SOS2: variants seen among roughly 807,000 people sequenced by gnomAD.
SOS2 encodes SOS Ras/Rho guanine nucleotide exchange factor 2, also known as son of sevenless homolog 2.
Under a neutral mutation model 148.2 loss-of-function variants are expected in SOS2, and 65 were observed. That is an observed-to-expected ratio of 0.44 (90% confidence interval 0.36 to 0.54). The LOEUF (loss-of-function observed/expected upper bound fraction) is 0.54. SOS2 is among the 20% of genes least tolerant of loss of function. SOS2 has a pLI of 0.00. For synonymous variants in SOS2, 539 were observed against 537.1 expected (o/e 1.00, Z -0.05); for missense variants, 1,341 against 1,590.2 (o/e 0.84, Z 2.67).
At chr14:50,231,126 ACGACCT>A in intron 1 of SOS2, 65 bp downstream of exon 1, 1 of 941,050 alleles carries the variant, frequency 1.1e-6, no homozygotes, top group Non-Finnish European at 1.4e-6. Context: ...TGTGGGAGGG[ACGACCT>A]GCTCCCCGTT....
At chr14:50,125,490 C>T (rs968365363) in intron 21 of SOS2, among the ~76,000 whole-genome samples, 1 of 151,848 alleles carries the variant, frequency 6.6e-6, no homozygotes, top group Non-Finnish European at 1.5e-5. Context: ...CACAGAACAA[C>T]AAGAAAAATA....
upstream of SOS2, chr14:50,231,675 GAGC>G (rs1010145914): frequency 5.5e-5 from 9 of 163,186 alleles, no homozygotes; most frequent in South Asian, 4.9e-4. Context: ...GGCGGGCGGT[GAGC>G]AGCGGCGGCG....
intron 1 of SOS2, among the ~76,000 whole-genome samples, chr14:50,214,053 A>G (rs1886969285): frequency 6.6e-6 from 1 of 152,184 alleles, no homozygotes; most frequent in Middle Eastern, 3.2e-3. Context: ...AAAAGTTAAA[A>G]TGGTTTTCTC....
chr14:50,167,375 A>T (rs959757999), intron 8 of SOS2, among the ~76,000 whole-genome samples: 1 of 151,796 alleles, frequency 6.6e-6, no homozygotes, highest in Non-Finnish European at 1.5e-5. Context: ...CAAAAAATAA[A>T]AAAACAAAAA....
At chr14:50,224,699 C>T (rs1313749023) in intron 1 of SOS2, among the ~76,000 whole-genome samples, 1 of 140,176 alleles carries the variant, frequency 7.1e-6, no homozygotes, top group Non-Finnish European at 1.5e-5. Flanking sequence ...AGCCAGAGGA[C>T]ATAGCAAGAC....
At chr14:50,196,136 T>C (rs560855051) in intron 4 of SOS2, among the ~76,000 whole-genome samples, 1 of 152,328 alleles carries the variant, frequency 6.6e-6, no homozygotes, top group South Asian at 2.1e-4. Flanking sequence ...TAGAATGTGG[T>C]TACCAGAGGC....
chr14:50,188,447 G>C (rs1885998803), intron 5 of SOS2, 50 bp downstream of exon 5: 1 of 1,182,372 alleles, frequency 8.5e-7, no homozygotes, highest in South Asian at 1.3e-5. Context: ...ATTTTAAGCT[G>C]GTCTGGTTTT....
At position 50,180,671 on chromosome 14, in the gene SOS2, A is replaced by G; in HGVS notation, c.870T>C (p.Phe290=). 6.4e-7 allele frequency: 1 copy of G among 1,572,850 alleles called. No homozygotes were observed. Among genetic ancestry groups the G allele is most frequent in the Non-Finnish European group, 8.7e-7 (1 of 1,155,330 alleles). The change falls in exon 7 of 23, where the codon TTT becomes TTC. Residue 290 remains phenylalanine, a synonymous_variant. Coordinates refer to ENST00000216373, the MANE Select transcript of SOS2 (RefSeq NM_006939.4). ...CFEDLAEEQA[F]DPYETLSQDI... Reference sequence around the variant, plus strand: ...CCTGTGATAATGTTTCATAAGGATCAAATGCTTGCTCCTATTTTTTTAAAA... The same window carrying G: ...CCTGTGATAATGTTTCATAAGGATCGAATGCTTGCTCCTATTTTTTTAAAA...
At chr14:50,203,657 C>T (rs539445255) in intron 2 of SOS2, among the ~76,000 whole-genome samples, 62 of 152,000 alleles carry the variant, frequency 4.1e-4, no homozygotes, top group African/African-American at 1.4e-3. Flanking sequence ...CAAATGTCCT[C>T]AAAATTTACA....
rs1203028142 is a variant in SOS2 at position 50,117,949 on chromosome 14, T to G, written c.*395A>C. 5.9e-6 allele frequency: 1 copy of G among 168,222 alleles called. No homozygotes were observed. Among genetic ancestry groups the G allele is most frequent in the Non-Finnish European group, 1.3e-5 (1 of 77,840 alleles). The allele number at this position is 168,222 out of a possible 1,614,324, so 10.4% of individuals were successfully genotyped here. On this transcript the variant is annotated 3_prime_UTR_variant, in exon 23 of 23. Coordinates refer to ENST00000216373, the MANE Select transcript of SOS2 (RefSeq NM_006939.4). ...AGGTTTAAAAATCAGTAACACCATA[T>G]ACCCCTCCCATATTTGTGTAAATTC...
intron 21 of SOS2, among the ~76,000 whole-genome samples, chr14:50,126,724 G>A (rs953190437): frequency 1.3e-5 from 2 of 151,638 alleles, no homozygotes; most frequent in Non-Finnish European, 2.9e-5. Flanking sequence ...ATGGACAAGA[G>A]GTGATAAAAG....
At chr14:50,226,014 G>A (rs117590936) in intron 1 of SOS2, among the ~76,000 whole-genome samples, 770 of 140,460 alleles carry the variant, frequency 5.5e-3, no homozygotes, top group Non-Finnish European at 8.6e-3. Context: ...CTTCCCCCCC[G>A]CCCTTTTTTT....
intron 5 of SOS2, among the ~76,000 whole-genome samples, chr14:50,182,877 A>T (rs1323698392): frequency 6.6e-6 from 1 of 152,178 alleles, no homozygotes; most frequent in East Asian, 1.9e-4. Context: ...CACCAAATAC[A>T]TCATTTAATT....
chr14:50,161,100 C>T (rs1884991518), intron 9 of SOS2, among the ~76,000 whole-genome samples: 1 of 151,954 alleles, frequency 6.6e-6, no homozygotes, highest in African/African-American at 2.4e-5. Context: ...TGAGACCAGT[C>T]TGGCCGACGC....
At chr14:50,205,938 T>C (rs1886646680) in intron 1 of SOS2, among the ~76,000 whole-genome samples, 1 of 150,964 alleles carries the variant, frequency 6.6e-6, no homozygotes, top group Non-Finnish European at 1.5e-5. Context: ...CATAAAATTG[T>C]GCATTATAGC....
intron 1 of SOS2, among the ~76,000 whole-genome samples, chr14:50,204,643 T>C (rs1210857010): frequency 2.6e-5 from 4 of 152,304 alleles, no homozygotes; most frequent in South Asian, 4.1e-4. Context: ...CATTGAACCC[T>C]CTCTTCCCTA....
At chr14:50,190,925 A>G (rs1886111829) in intron 4 of SOS2, among the ~76,000 whole-genome samples, 1 of 152,216 alleles carries the variant, frequency 6.6e-6, no homozygotes, top group African/African-American at 2.4e-5. Flanking sequence ...AAATAAAGGA[A>G]GACATAAGAC....
At chr14:50,178,709 T>TATAC in intron 7 of SOS2, among the ~76,000 whole-genome samples, 1 of 69,910 alleles carries the variant, frequency 1.4e-5, no homozygotes, top group South Asian at 4.1e-4. Context: ...TATATATATA[T>TATAC]ATACACACAT....
chr14:50,164,832 A>T (rs1885120626), intron 8 of SOS2, among the ~76,000 whole-genome samples: 1 of 152,074 alleles, frequency 6.6e-6, no homozygotes, highest in Non-Finnish European at 1.5e-5. Context: ...TCCCTCTTAA[A>T]TTTTTTCTTT....
Sources: allele counts gnomAD v4.1 joint callset (sites outside exome capture counted in the v4.1 genomes callset), GRCh38; gene constraint gnomAD v4.1.1; transcripts MANE v1.5; gene names NCBI Gene and HGNC (gene_info 2026-07-23, HGNC 2026-07-21).